Variants in SMG6 observed in about 807,000 individuals in gnomAD.
SMG6 encodes SMG6 nonsense mediated mRNA decay factor.
A neutral mutation model predicts 142.2 loss-of-function variants in SMG6; 66 were observed. That is an observed-to-expected ratio of 0.46 (90% CI 0.38 to 0.57). The LOEUF (loss-of-function observed/expected upper bound fraction) is 0.57. Among genes scored for constraint, SMG6 ranks in the 20% least tolerant of loss-of-function variants. The pLI, the probability that SMG6 is intolerant of heterozygous loss-of-function variation, is 0.00. For synonymous variants in SMG6, 779 were observed against 702.4 expected, an observed-to-expected ratio of 1.11 and a Z score of -1.72; for missense variants, 1,793 against 1,832.0, an observed-to-expected ratio of 0.98 and a Z score of 0.39.
At chr17:2,162,430 T>C (rs1597496085) in intron 13 of SMG6, among the ~76,000 whole-genome samples, 1 of 142,860 alleles carries the variant, frequency 7.0e-6, no homozygotes, top group Non-Finnish European at 1.5e-5. Context: ...AGGAGAATGG[T>C]GTGAACCCAG....
chr17:2,184,365 A>C (rs943335779), intron 12 of SMG6, among the ~76,000 whole-genome samples: 4 of 140,450 alleles, frequency 2.8e-5, no homozygotes, highest in Admixed American at 2.1e-4. Flanking sequence ...TCTGGGGGGA[A>C]AAAAAAAAAG....
intron 13 of SMG6, among the ~76,000 whole-genome samples, chr17:2,120,790 T>A (rs766680874): frequency 3.3e-5 from 5 of 152,036 alleles, no homozygotes; most frequent in Non-Finnish European, 7.3e-5. Flanking sequence ...AAATGATATA[T>A]CACCAGTCAC....
intron 13 of SMG6, among the ~76,000 whole-genome samples, chr17:2,091,048 G>A (rs1424514984): frequency 2.6e-5 from 4 of 152,152 alleles, no homozygotes; most frequent in Non-Finnish European, 5.9e-5. Context: ...TTGGCCACAA[G>A]AAATTTAACT....
chr17:2,153,086 A>T (rs558358686), intron 13 of SMG6, among the ~76,000 whole-genome samples: 1 of 152,272 alleles, frequency 6.6e-6, no homozygotes, highest in African/African-American at 2.4e-5. Context: ...CAAGAGCTCT[A>T]TATCAAGCTT....
chr17:2,170,743 T>C (rs1009939549), intron 13 of SMG6, among the ~76,000 whole-genome samples: 3 of 152,224 alleles, frequency 2.0e-5, no homozygotes, highest in Non-Finnish European at 4.4e-5. Flanking sequence ...TTTTGATATA[T>C]CAATGTCTAG....
intron 10 of SMG6, chr17:2,232,875 C>T (rs1209273158): frequency 6.6e-6 from 1 of 152,210 alleles, no homozygotes; most frequent in Non-Finnish European, 1.5e-5. Flanking sequence ...CTAGGAAAAC[C>T]ATAACCTAGG....
chr17:2,112,364 C>G (rs188756391), intron 13 of SMG6, among the ~76,000 whole-genome samples: 1 of 151,568 alleles, frequency 6.6e-6, no homozygotes, highest in African/African-American at 2.4e-5. Context: ...AAAAATTAGC[C>G]AGGCGTCGTG....
At chr17:2,218,693 A>C (rs978284315) in intron 10 of SMG6, among the ~76,000 whole-genome samples, 2 of 152,230 alleles carry the variant, frequency 1.3e-5, no homozygotes, top group Non-Finnish European at 2.9e-5. Flanking sequence ...ACCTGAGGTG[A>C]GGTGAAAGAT....
chr17:2,186,906 C>A, intron 11 of SMG6, 75 bp from the exon 12 acceptor site: 1 of 1,520,104 alleles, frequency 6.6e-7, no homozygotes. Context: ...GCTGGGACGG[C>A]AGCAAGCTCT....
intron 10 of SMG6, chr17:2,236,045 T>C (rs1417911427): frequency 6.6e-6 from 1 of 152,362 alleles, no homozygotes; most frequent in Non-Finnish European, 1.5e-5. Context: ...ACTAGGGATA[T>C]CCCATAGGGA....
At chr17:2,102,452 G>A (rs1209408313) in intron 13 of SMG6, among the ~76,000 whole-genome samples, 1 of 151,540 alleles carries the variant, frequency 6.6e-6, no homozygotes, top group Non-Finnish European at 1.5e-5. Context: ...CACTTCCCAG[G>A]CTCAAGTGAT....
At chr17:2,224,816 A>G (rs1424006674) in intron 10 of SMG6, among the ~76,000 whole-genome samples, 1 of 152,240 alleles carries the variant, frequency 6.6e-6, no homozygotes, top group Non-Finnish European at 1.5e-5. Context: ...CCAAACCTAG[A>G]CCAATCACCA....
At chr17:2,140,542 C>G (rs564699201) in intron 13 of SMG6, among the ~76,000 whole-genome samples, 3 of 151,848 alleles carry the variant, frequency 2.0e-5, no homozygotes, top group African/African-American at 7.3e-5. Context: ...TGTGGTAGCA[C>G]GCACCTGTTG....
intron 4 of SMG6, among the ~76,000 whole-genome samples, chr17:2,294,045 T>C (rs2075096179): frequency 6.6e-6 from 1 of 151,944 alleles, no homozygotes; most frequent in Non-Finnish European, 1.5e-5. Context: ...TCCACTCCAC[T>C]CCACACAAAA....
At chr17:2,303,292 C>T (rs2075326923) in intron 1 of SMG6, 3 of 1,100,168 alleles carry the variant, frequency 2.7e-6, no homozygotes, top group Non-Finnish European at 3.3e-6. Flanking sequence ...CCGGGGCCTC[C>T]ACCAGACCCC....
intron 13 of SMG6, among the ~76,000 whole-genome samples, chr17:2,149,816 A>C (rs570147346): frequency 6.6e-6 from 1 of 152,326 alleles, no homozygotes; most frequent in African/African-American, 2.4e-5. Context: ...TCAAAATGTA[A>C]GTCAGTGGCA....
chr17:2,066,230 TTC>T (rs754764174), intron 16 of SMG6: 8 of 169,416 alleles, frequency 4.7e-5, no homozygotes, highest in Non-Finnish European at 1.0e-4. Flanking sequence ...CACATCTACC[TTC>T]TCTGATACTG....
At chr17:2,207,914 C>G (rs1436280667) in intron 10 of SMG6, among the ~76,000 whole-genome samples, 1 of 152,168 alleles carries the variant, frequency 6.6e-6, no homozygotes, top group African/African-American at 2.4e-5. Flanking sequence ...CTGCTTCTGC[C>G]TGGCTCAAAA....
intron 13 of SMG6, among the ~76,000 whole-genome samples, chr17:2,145,643 CAA>C (rs61451940): frequency 0.012 from 292 of 23,740 alleles, 3 homozygotes; most frequent in Non-Finnish European, 0.018. Context: ...TCCATCTCCC[CAA>C]AAAAAAAAAA....
Sources: gnomAD v4.1 joint callset for allele counts (sites outside exome capture counted in the v4.1 genomes callset) on GRCh38, gnomAD v4.1.1 for gene constraint, MANE v1.5 for transcripts, NCBI Gene and HGNC (gene_info 2026-07-23, HGNC 2026-07-21) for gene names.